Variants in USH1C observed in about 807,000 individuals in gnomAD.
USH1C encodes harmonin.
A neutral mutation model predicts 119.3 loss-of-function variants in USH1C; 90 were observed. That is an observed-to-expected ratio of 0.75 (90% CI 0.64 to 0.90). The LOEUF is 0.90. USH1C is among the 40% of genes least tolerant of loss of function. The pLI, the probability that USH1C is intolerant of heterozygous loss-of-function variation, is 0.00. For synonymous variants in USH1C, 465 were observed against 443.3 expected, an observed-to-expected ratio of 1.05 and a Z score of -0.62; for missense variants, 1,165 against 1,167.7, an observed-to-expected ratio of 1.00 and a Z score of 0.03.
rs1373829056 is a variant in USH1C, at chr11:17,493,933, A to G, written c.*399T>C. On this transcript the variant is annotated 3_prime_UTR_variant, in exon 27 of 27. Coordinates refer to ENST00000005226, the MANE Select transcript of USH1C (RefSeq NM_153676.4). ...AAATCTATTTTATTAATGAGCTCAG[A>G]GTAAGGTTTGGAGTGACAATCCTGG... 6.8e-6 allele frequency: 2 copies of G among 293,284 alleles called. No individual in the cohort carries two copies. The highest frequency in any genetic ancestry group is 1.5e-4 in the East Asian group (2 of 13,554). The allele number at this position is 293,284 out of a possible 1,614,324, so 18.2% of individuals were successfully genotyped here.
rs1022724565 is a variant in USH1C at position 17,501,648 on chromosome 11, T to G, written c.2227-113A>C. The G allele has an allele frequency of 4.7e-6, 6 of 1,285,156 alleles. No homozygotes were observed. In the African/African-American group the frequency reaches 8.8e-5, roughly 19 times the overall value. 79.6% of individuals were successfully genotyped at this position (1,285,156 alleles called of 1,614,324 possible). A position where few individuals can be genotyped will look rare whatever the true frequency, so the allele number is the denominator to read the frequency against. On this transcript the variant is annotated intron_variant, in intron 21 of 26. Transcript: ENST00000005226. ...GGGACACTGGGCCCCACAGAGCACA[T>G]GGGCAAGGGGACCGTGCCCAGCCCC...
chr11:17,509,687 A>C lies in USH1C; in HGVS notation c.1682T>G (p.Leu561Trp), dbSNP rs746323859. The change falls in exon 18 of 27, where the codon TTG becomes TGG. Residue 561 changes from leucine (L) to tryptophan (W), a missense_variant. Coordinates refer to ENST00000005226, the MANE Select transcript of USH1C (RefSeq NM_153676.4). ...FYYPPKTPSA[L>W]PVMPHPPPSN... ...GGGTGGAGGGTGGGGCATCACAGGC[A>C]AGGCAGAGGGAGTCTTGGGGGGATA... The C allele has an allele frequency of 6.3e-7, 1 of 1,598,406 alleles. No homozygotes were observed. Among genetic ancestry groups the C allele is most frequent in the South Asian group, 1.1e-5 (1 of 90,034 alleles).
chr11:17,510,974 C>T (rs113736694), intron 16 of USH1C, among the ~76,000 whole-genome samples: 15 of 152,258 alleles, frequency 9.9e-5, no homozygotes, highest in African/African-American at 3.4e-4. Flanking sequence ...TAATGTCAGA[C>T]CTAATGCATT....
At chr11:17,527,763 CCCTATCTCTGTTAATTGCTACAA>C (rs1336491298) in intron 4 of USH1C, among the ~76,000 whole-genome samples, 1 of 152,182 alleles carries the variant, frequency 6.6e-6, no homozygotes, top group African/African-American at 2.4e-5. Context: ...GAAGTTGGCT[CCCTATCTCTGTTAATTGCTACAA>C]CACTGTAACT....
In USH1C at chr11:17,523,217, A is replaced by T. The variant is rs765955209; in HGVS notation, c.870T>A (p.Ala290=). 3.1e-6 allele frequency: 5 copies of T among 1,614,144 alleles called. No individual in the cohort carries two copies. In the South Asian group the frequency reaches 3.3e-5, roughly 11 times the overall value. The part of the protein sequence containing the change: ...SSRSLTISIV[A]AAGRELFMTD... Reference sequence around the variant, plus strand: ...CAGCTCATTCTGGACTTACAGCTGCAGCTACAATGGAGATGGTCAGGCTGC... The same window carrying T: ...CAGCTCATTCTGGACTTACAGCTGCTGCTACAATGGAGATGGTCAGGCTGC... Residue 290 remains alanine (A), a synonymous_variant, in exon 11 of 27, where the codon GCT becomes GCA. Coordinates refer to ENST00000005226, the MANE Select transcript of USH1C (RefSeq NM_153676.4).
At position 17,494,250 on chromosome 11, in the gene USH1C, C is replaced by T; in HGVS notation, c.*82G>A. 1 of 1,492,880 alleles carries T rather than the reference C, an allele frequency of 6.7e-7. No individual in the cohort carries two copies. Among genetic ancestry groups the T allele is most frequent in the Non-Finnish European group, 9.2e-7 (1 of 1,089,664 alleles). The allele number at this position is 1,492,880 out of a possible 1,614,324, so 92.5% of individuals were successfully genotyped here. A position where few individuals can be genotyped will look rare whatever the true frequency, so the allele number is the denominator to read the frequency against. On this transcript the variant is annotated 3_prime_UTR_variant, in exon 27 of 27. Coordinates refer to ENST00000005226, the MANE Select transcript of USH1C (RefSeq NM_153676.4). ...TGATAGATTCAGGTCCCAAGGATGC[C>T]ATCTGGTGTGTGTAGTGTGGCCTCT...
At chr11:17,522,706 C>T (rs148900847) in intron 12 of USH1C, 78 bp downstream of exon 12, 20 of 1,601,242 alleles carry the variant, frequency 1.2e-5, no homozygotes, top group African/African-American at 1.2e-4. Context: ...GGGGACACAG[C>T]GGGCAGGAAG....
rs560018818 is a variant in USH1C at position 17,512,509 on chromosome 11, A to G, written c.1261-455T>C. On this transcript the variant is annotated intron_variant, in intron 15 of 26. Coordinates refer to ENST00000005226, the MANE Select transcript of USH1C (RefSeq NM_153676.4). ...AAGGGCATTGTGCTGATTTTCCAGT[A>G]TCTGGCACATGCCTTCTGCATCATC... is the stretch of plus-strand genomic sequence containing the variant. 4.2e-4 allele frequency among the ~76,000 whole-genome samples: 64 copies of G among 152,368 alleles called. No homozygotes were observed. The South Asian group carries it at 0.013, about 31-fold the overall frequency.
At chr11:17,525,418 A>G (rs960549755) in intron 8 of USH1C, among the ~76,000 whole-genome samples, 1 of 152,240 alleles carries the variant, frequency 6.6e-6, no homozygotes, top group Non-Finnish European at 1.5e-5. Flanking sequence ...GGATAACTTA[A>G]ATAATAATAG....
In USH1C at chr11:17,501,110, G is replaced by T. The variant is rs1309991987; in HGVS notation, c.2321C>A (p.Ser774Tyr). Residue 774 changes from serine (S) to tyrosine (Y), a missense_variant, in exon 23 of 27, where the codon TCC becomes TAC. By Grantham distance (144) the Ser-to-Tyr change is moderately radical (BLOSUM62 -2). Transcript: ENST00000005226. ...LDLALEGGVD[S>Y]PIGKVVVSAV... is the part of the protein sequence containing the mutation. ...AGAAACGACCACCTTCCCAATGGGG[G>T]AGTCCACACCGCCTTCCAGGGCCAG... 6.2e-7 allele frequency: 1 copy of T among 1,614,072 alleles called. No homozygotes were observed. Among genetic ancestry groups the T allele is most frequent in the Non-Finnish European group, 8.5e-7 (1 of 1,180,010 alleles).
chr11:17,512,896 T>G (rs1849956974), intron 15 of USH1C, among the ~76,000 whole-genome samples: 1 of 152,174 alleles, frequency 6.6e-6, no homozygotes, highest in Non-Finnish European at 1.5e-5. Context: ...TTATTTTTCC[T>G]GTAGGAATTA....
At chr11:17,513,906 C>T (rs565189972) in intron 15 of USH1C, among the ~76,000 whole-genome samples, 7 of 152,298 alleles carry the variant, frequency 4.6e-5, no homozygotes, top group African/African-American at 1.7e-4. Flanking sequence ...CAGTTTCTGT[C>T]TCATGCCCAA....
At chr11:17,530,717 T>C (rs937715447) in intron 4 of USH1C, among the ~76,000 whole-genome samples, 5 of 152,238 alleles carry the variant, frequency 3.3e-5, no homozygotes, top group Admixed American at 6.5e-5. Flanking sequence ...CACAGCCTAA[T>C]GAACAGCAAA....
chr11:17,533,365 C>A (rs757289574), intron 1 of USH1C, 43 bp from the exon 2 acceptor site: 4 of 1,436,866 alleles, frequency 2.8e-6, no homozygotes, highest in Non-Finnish European at 3.9e-6. Flanking sequence ...GGCTCAGCAC[C>A]CGCCCCCATA....
chr11:17,539,356 C>A (rs913641407), intron 1 of USH1C, among the ~76,000 whole-genome samples: 1 of 152,156 alleles, frequency 6.6e-6, no homozygotes, highest in Non-Finnish European at 1.5e-5. Context: ...CCAAAGAACC[C>A]CTTCCCCAAC....
intron 19 of USH1C, among the ~76,000 whole-genome samples, 183 bp from the exon 20 acceptor site, chr11:17,504,880 A>G (rs1367864692): frequency 6.6e-6 from 1 of 152,208 alleles, no homozygotes; most frequent in Admixed American, 6.5e-5. Context: ...GTTGTCAAGC[A>G]GACACCACCC....
chr11:17,516,988 G>A lies in USH1C; in HGVS notation c.1211-698C>T, dbSNP rs755088890. 2.6e-5 allele frequency among the ~76,000 whole-genome samples: 4 copies of A among 152,160 alleles called. No individual in the cohort carries two copies. In the East Asian group the frequency reaches 7.7e-4, roughly 29 times the overall value. ...AATCTGAAGCTCCCTGGGGCCAAGA[G>A]CGATGGCTGAATTACCCACCCCGGA... On this transcript the variant is annotated intron_variant, in intron 14 of 26. Transcript: ENST00000005226.
intron 4 of USH1C, 74 bp from the exon 5 acceptor site, chr11:17,527,405 G>T: frequency 8.5e-7 from 1 of 1,178,554 alleles, no homozygotes; most frequent in Non-Finnish European, 1.3e-6. Flanking sequence ...ACCACCAGAT[G>T]CTCCCGGACT....
chr11:17,508,184 C>A (rs887809614), intron 18 of USH1C, among the ~76,000 whole-genome samples: 1 of 152,226 alleles, frequency 6.6e-6, no homozygotes, highest in African/African-American at 2.4e-5. Context: ...TAGAAACCAG[C>A]TCCTGGCTGG....
Sources: gnomAD v4.1 joint callset for allele counts (sites outside exome capture counted in the v4.1 genomes callset) on GRCh38, gnomAD v4.1.1 for gene constraint, MANE v1.5 for transcripts, NCBI Gene and HGNC (gene_info 2026-07-23, HGNC 2026-07-21) for gene names.